PHIP: variants seen among roughly 807,000 people sequenced by gnomAD.
The protein encoded by PHIP is PHIP subunit of CUL4-Ring ligase complex.
In PHIP, 54 loss-of-function variants were observed where a neutral mutation model predicts 236.8. That is an observed-to-expected ratio of 0.23 (90% CI 0.18 to 0.29). The LOEUF is 0.29. PHIP is among the 10% of genes least tolerant of loss of function. The pLI is 1.00. For synonymous variants in PHIP, 756 were observed against 718.9 expected (o/e 1.05, Z -0.83); for missense variants, 1,370 against 2,190.8 (o/e 0.63, Z 7.48).
intron 6 of PHIP, among the ~76,000 whole-genome samples, chr6:79,059,620 TATATAA>T (rs71756986): frequency 0.2 from 24,784 of 122,828 alleles, 3,242 homozygotes; most frequent in East Asian, 0.57. Flanking sequence ...TATATATATA[TATATAA>T]AAATGCCAAA....
At chr6:78,967,719 T>C (rs1415032603) in intron 27 of PHIP, among the ~76,000 whole-genome samples, 2 of 152,236 alleles carry the variant, frequency 1.3e-5, no homozygotes, top group African/African-American at 2.4e-5. Flanking sequence ...TAATTCTCTG[T>C]GATTTGTCCA....
At chr6:79,004,157 G>C (rs1770160617) in intron 15 of PHIP, among the ~76,000 whole-genome samples, 1 of 151,978 alleles carries the variant, frequency 6.6e-6, no homozygotes, top group Non-Finnish European at 1.5e-5. Flanking sequence ...ACATAATTAT[G>C]TCTTACACTC....
At chr6:78,955,184 C>T (rs1182819526) in intron 34 of PHIP, 48 bp downstream of exon 34, 2 of 1,282,786 alleles carry the variant, frequency 1.6e-6, no homozygotes, top group African/African-American at 1.5e-5. Context: ...GCTCTTAATA[C>T]ATTTTAATTC....
At position 79,003,637 on chromosome 6, in the gene PHIP, A is replaced by G. The variant is rs1770132526; in HGVS notation, c.1653+93T>C. 3 of 808,296 alleles carry G rather than the reference A, an allele frequency of 3.7e-6. No individual in the cohort carries two copies. The South Asian group carries it at 8.8e-5, about 24-fold the overall frequency. The allele number at this position is 808,296 out of a possible 1,614,324, so 50.1% of individuals were successfully genotyped here. A position where few individuals can be genotyped will look rare whatever the true frequency, so the allele number is the denominator to read the frequency against. On this transcript the variant is annotated intron_variant, in intron 16 of 39. Coordinates refer to ENST00000275034, the MANE Select transcript of PHIP (RefSeq NM_017934.7). Reference sequence around the variant, plus strand: ...TTCTTCGAATTTTATCCTGAATGTAAAGATGCTGATTCTCACCCACTCCAA... The same window carrying G: ...TTCTTCGAATTTTATCCTGAATGTAGAGATGCTGATTCTCACCCACTCCAA...
intron 32 of PHIP, 57 bp from the exon 33 acceptor site, chr6:78,955,739 T>TA: frequency 1.6e-6 from 1 of 641,250 alleles, no homozygotes; most frequent in East Asian, 2.8e-5. Flanking sequence ...TTTTTTTCCT[T>TA]AAAAATTTGT....
intron 35 of PHIP, among the ~76,000 whole-genome samples, chr6:78,950,296 G>A (rs536303987): frequency 5.3e-5 from 8 of 152,170 alleles, no homozygotes; most frequent in South Asian, 2.1e-4. Context: ...CTGTTATTTC[G>A]TTAAAGGTTT....
intron 8 of PHIP, 146 bp from the exon 9 acceptor site, chr6:79,025,765 A>G: frequency 1.4e-6 from 1 of 700,824 alleles, no homozygotes; most frequent in Non-Finnish European, 2.5e-6. Context: ...AAGTCCATAT[A>G]TTTATAAAGA....
chr6:78,960,432 G>A (rs191717636), intron 31 of PHIP, among the ~76,000 whole-genome samples: 25 of 150,874 alleles, frequency 1.7e-4, no homozygotes, highest in Non-Finnish European at 3.4e-4. Flanking sequence ...GGAGAAAGAG[G>A]AATATAGTTA....
chr6:79,011,408 G>C (rs1181947017), intron 15 of PHIP, among the ~76,000 whole-genome samples: 2 of 151,588 alleles, frequency 1.3e-5, no homozygotes, highest in Non-Finnish European at 1.5e-5. Context: ...ACTTAAAAAA[G>C]AAAAACAACA....
At chr6:79,046,252 T>G (rs1772478478) in intron 6 of PHIP, among the ~76,000 whole-genome samples, 1 of 152,182 alleles carries the variant, frequency 6.6e-6, no homozygotes. Flanking sequence ...TTTCCACATA[T>G]GGCTAATTCC....
intron 15 of PHIP, among the ~76,000 whole-genome samples, chr6:79,014,765 C>A (rs971748469): frequency 6.6e-6 from 1 of 151,740 alleles, no homozygotes; most frequent in African/African-American, 2.4e-5. Context: ...TTTATAATTT[C>A]TTCACATGGT....
intron 29 of PHIP, among the ~76,000 whole-genome samples, chr6:78,964,998 T>A (rs1385678229): frequency 6.6e-6 from 1 of 152,126 alleles, no homozygotes; most frequent in African/African-American, 2.4e-5. Flanking sequence ...AAATATAATC[T>A]CCAGGCTTTG....
intron 9 of PHIP, among the ~76,000 whole-genome samples, chr6:79,021,590 C>G (rs542988283): frequency 6.6e-6 from 1 of 152,308 alleles, no homozygotes; most frequent in Admixed American, 6.5e-5. Context: ...ACAGATGGAA[C>G]TGGAGGTTAT....
chr6:78,964,901 CCTT>C (rs1767033922), intron 29 of PHIP, among the ~76,000 whole-genome samples: 1 of 152,112 alleles, frequency 6.6e-6, no homozygotes, highest in Non-Finnish European at 1.5e-5. Flanking sequence ...TCGACAATAT[CCTT>C]CTAATCCCTT....
intron 30 of PHIP, among the ~76,000 whole-genome samples, 163 bp from the exon 31 acceptor site, chr6:78,961,973 C>T (rs1269387507): frequency 6.6e-6 from 1 of 151,994 alleles, no homozygotes; most frequent in African/African-American, 2.4e-5. Flanking sequence ...AAGAGTCTCA[C>T]TTTTTATTAT....
At position 79,045,281 on chromosome 6, in the gene PHIP, A is replaced by G. The variant is rs184409944; in HGVS notation, c.440-2278T>C. Among the ~76,000 whole-genome samples the G allele has an allele frequency of 1.3e-3, 191 of 152,250 alleles. 1 individual carries two copies. The highest frequency in any genetic ancestry group is 4.3e-3 in the African/African-American group (178 of 41,578). The stretch of plus-strand genomic sequence containing the variant: ...TTTCTAACTATAGGATTTAAAGGAG[A>G]AAATGTAAGTATAGTTCAGTAGTTG... On this transcript the variant is annotated intron_variant, in intron 6 of 39. Coordinates refer to ENST00000275034, the MANE Select transcript of PHIP (RefSeq NM_017934.7).
Position 78,988,280 on chromosome 6 carries a change from G to C in PHIP, c.2389C>G (p.Arg797Gly), listed in dbSNP as rs760452167. The C allele has an allele frequency of 6.2e-7, 1 of 1,607,046 alleles. No homozygotes were observed. The highest frequency in any genetic ancestry group is 8.5e-7 in the Non-Finnish European group (1 of 1,174,640). ...GTCTCTTCCAATGCAGATCTTGTAC[G>C]ATAATTGTGTTGATTTGTCTGTTGC... ...KKQQTNQHNY[R>G]TRSALEETPR... The change falls in exon 21 of 40, where the codon CGT becomes GGT. Residue 797 changes from arginine (R) to glycine (G), a missense_variant. By Grantham distance (125) the Arg-to-Gly change is moderately radical. Coordinates refer to ENST00000275034, the MANE Select transcript of PHIP (RefSeq NM_017934.7).
intron 35 of PHIP, among the ~76,000 whole-genome samples, chr6:78,951,132 G>T (rs896226937): frequency 6.6e-6 from 1 of 152,120 alleles, no homozygotes; most frequent in Non-Finnish European, 1.5e-5. Context: ...TCGTTAACAA[G>T]TCCTTGGAGA....
At chr6:78,981,966 T>G (rs1768567477) in intron 23 of PHIP, among the ~76,000 whole-genome samples, 1 of 151,974 alleles carries the variant, frequency 6.6e-6, no homozygotes, top group Admixed American at 6.6e-5. Flanking sequence ...AAACAAGAAC[T>G]CAACAAATGT....
Sources: gnomAD v4.1 joint callset for allele counts (sites outside exome capture counted in the v4.1 genomes callset) on GRCh38, gnomAD v4.1.1 for gene constraint, MANE v1.5 for transcripts, NCBI Gene and HGNC (gene_info 2026-07-23, HGNC 2026-07-21) for gene names.